Variants in R3HDM1 observed in about 807,000 individuals in gnomAD.
R3HDM1 encodes the protein R3H domain containing 1.
Under a neutral mutation model 141.1 loss-of-function variants are expected in R3HDM1, and 46 were observed. That is an observed-to-expected ratio of 0.33 (90% confidence interval 0.26 to 0.42). The LOEUF is 0.42. R3HDM1 is among the 10% of genes least tolerant of loss of function. The probability of loss-of-function intolerance (pLI) is 1.00; values close to 1 mark genes in which losing one functional copy is unlikely to be tolerated. For synonymous variants in R3HDM1, 435 were observed against 472.9 expected (o/e 0.92, Z 1.04); for missense variants, 1,184 against 1,368.3 (o/e 0.87, Z 2.12).
In R3HDM1 at chr2:135,636,100, T is replaced by C. The variant is rs781543532; in HGVS notation, c.820T>C (p.Leu274=). ...CTCTTTTCTGTAGATGAGAATACGT[T>C]TGAAAGATGACAGAAGAAGCAAATC... is the stretch of plus-strand genomic sequence containing the variant. ...DKDDNQMRIR[L]KDDRRSKSIE... Residue 274 remains leucine, a synonymous_variant, in exon 11 of 27, where the codon TTG becomes CTG. Coordinates refer to ENST00000683871, the MANE Select transcript of R3HDM1 (RefSeq NM_001378107.1). 4.6e-5 allele frequency: 74 copies of C among 1,612,830 alleles called. No homozygotes were observed. Among genetic ancestry groups the C allele is most frequent in the Admixed American group, 1.5e-4 (9 of 59,886 alleles).
At chr2:135,681,141 A>G (rs964784132) in intron 21 of R3HDM1, among the ~76,000 whole-genome samples, 16 of 152,174 alleles carry the variant, frequency 1.1e-4, no homozygotes, top group African/African-American at 2.9e-4. Flanking sequence ...TGTGTTGAAA[A>G]TACTAATCTT....
At chr2:135,580,096 A>G (rs911680281) in intron 1 of R3HDM1, among the ~76,000 whole-genome samples, 2 of 152,066 alleles carry the variant, frequency 1.3e-5, no homozygotes, top group African/African-American at 4.8e-5. Flanking sequence ...CTGTCTCTAC[A>G]AAAACTAGCC....
intron 20 of R3HDM1, among the ~76,000 whole-genome samples, chr2:135,675,700 G>T (rs2069074122): frequency 1.3e-5 from 2 of 152,162 alleles, no homozygotes; most frequent in South Asian, 4.1e-4. Context: ...TCATTTTATT[G>T]CATTATTCAT....
chr2:135,571,569 G>A (rs1042144121), intron 1 of R3HDM1, among the ~76,000 whole-genome samples: 14 of 151,108 alleles, frequency 9.3e-5, no homozygotes, highest in South Asian at 2.1e-4. Flanking sequence ...CAGGCAGTTC[G>A]CCCGCCTCAG....
intron 1 of R3HDM1, among the ~76,000 whole-genome samples, chr2:135,549,223 T>C (rs1699329723): frequency 6.6e-6 from 1 of 152,116 alleles, no homozygotes; most frequent in African/African-American, 2.4e-5. Flanking sequence ...AGAACACATA[T>C]TGTATGGTTT....
chr2:135,611,121 TAA>T (rs879886168), intron 3 of R3HDM1, among the ~76,000 whole-genome samples: 1 of 132,066 alleles, frequency 7.6e-6, no homozygotes, highest in Non-Finnish European at 1.7e-5. Flanking sequence ...AAATAAAATT[TAA>T]AAAAAAAAAA....
At chr2:135,710,019 A>G (rs2075434995) in intron 22 of R3HDM1, 40 bp from the exon 23 acceptor site, 10 of 1,573,062 alleles carry the variant, frequency 6.4e-6, no homozygotes, top group Admixed American at 1.8e-5. Flanking sequence ...ACTAGTTGCT[A>G]AAATATTCTG....
chr2:135,701,580 G>A (rs1200376397), intron 21 of R3HDM1, among the ~76,000 whole-genome samples: 1 of 152,096 alleles, frequency 6.6e-6, no homozygotes, highest in Admixed American at 6.6e-5. Context: ...TCAGGAGGAG[G>A]ATCATTTGAT....
intron 21 of R3HDM1, among the ~76,000 whole-genome samples, chr2:135,681,488 CT>C (rs2070296802): frequency 6.6e-6 from 1 of 152,110 alleles, no homozygotes; most frequent in Non-Finnish European, 1.5e-5. Flanking sequence ...TAGTCATCTG[CT>C]TTAAAGTATT....
chr2:135,690,621 G>T (rs1019593439), intron 21 of R3HDM1, among the ~76,000 whole-genome samples: 2 of 152,088 alleles, frequency 1.3e-5, no homozygotes, highest in African/African-American at 4.8e-5. Flanking sequence ...TACTGTTGAA[G>T]GAATAAAATG....
chr2:135,549,785 A>G (rs1699503563), intron 1 of R3HDM1, among the ~76,000 whole-genome samples: 1 of 152,172 alleles, frequency 6.6e-6, no homozygotes, highest in Non-Finnish European at 1.5e-5. Flanking sequence ...TTTACGGGGT[A>G]ATGAAAAAGT....
At chr2:135,668,538 A>T (rs1488244116) in intron 19 of R3HDM1, among the ~76,000 whole-genome samples, 1 of 152,170 alleles carries the variant, frequency 6.6e-6, no homozygotes, top group Non-Finnish European at 1.5e-5. Flanking sequence ...TGACAATTTT[A>T]GTTGTGTTAG....
chr2:135,631,679 C>G (rs774869828), intron 7 of R3HDM1, 39 bp from the exon 8 acceptor site: 11 of 1,483,104 alleles, frequency 7.4e-6, no homozygotes, highest in Non-Finnish European at 8.1e-6. Flanking sequence ...TACTTCATTG[C>G]TAAGTTTTAC....
At chr2:135,629,010 A>C (rs2062347460) in intron 7 of R3HDM1, among the ~76,000 whole-genome samples, 1 of 151,996 alleles carries the variant, frequency 6.6e-6, no homozygotes. Flanking sequence ...ATACTGTCTC[A>C]CAATAACCCC....
chr2:135,593,731 A>AT (rs1015557899), intron 1 of R3HDM1, among the ~76,000 whole-genome samples: 4 of 150,456 alleles, frequency 2.7e-5, no homozygotes, highest in South Asian at 4.2e-4. Context: ...TATTTTATTT[A>AT]TTTTTTTGAG....
intron 1 of R3HDM1, among the ~76,000 whole-genome samples, chr2:135,573,482 G>A (rs1403486754): frequency 1.3e-5 from 2 of 151,428 alleles, no homozygotes; most frequent in Admixed American, 6.6e-5. Context: ...GAATCTTAAC[G>A]TTATCTAAAT....
At chr2:135,631,132 C>T (rs915438870) in intron 7 of R3HDM1, among the ~76,000 whole-genome samples, 2 of 152,060 alleles carry the variant, frequency 1.3e-5, no homozygotes, top group African/African-American at 4.8e-5. Context: ...CTGCCATAGT[C>T]CCATCTACAT....
In R3HDM1 at chr2:135,584,308, A is replaced by T. The variant is rs1707409969; in HGVS notation, c.-249-18192A>T. ...GTGCCACTGCTCTCCAGCCTGGGTG[A>T]CAGAACGAGATTCCGTCTAAAATAA... On this transcript the variant is annotated intron_variant, in intron 1 of 26. Transcript: ENST00000683871. 6.1e-6 allele frequency: 5 copies of T among 813,112 alleles called. No individual in the cohort carries two copies. In the South Asian group the frequency reaches 2.3e-4, roughly 37 times the overall value. The allele number at this position is 813,112 out of a possible 1,614,324, so 50.4% of individuals were successfully genotyped here.
Position 135,649,951 on chromosome 2 carries a change from C to T in R3HDM1, c.1673C>T (p.Ala558Val), listed in dbSNP as rs1474802582. 1.5e-6 allele frequency: 2 copies of T among 1,296,634 alleles called. No homozygotes were observed. Among genetic ancestry groups the T allele is most frequent in the Non-Finnish European group, 2.0e-6 (2 of 985,280 alleles). 80.3% of individuals were successfully genotyped at this position (1,296,634 alleles called of 1,614,324 possible). A position where few individuals can be genotyped will look rare whatever the true frequency, so the allele number is the denominator to read the frequency against. ...TCACAGCCTGTTCAGTACTCTACAG[C>T]CCCTTACCCATCCCCGTTCCTGCCA... ...SSSQPVQYST[A>V]PYPSPFLPVS... Residue 558 changes from alanine to valine, a missense_variant, in exon 17 of 27, where the codon GCC (alanine) becomes GTC (valine). This residue lies in a region of R3HDM1 where 563 missense variants were observed against 562.0 expected (regional missense o/e 1.00). Transcript: ENST00000683871.
Sources: gnomAD v4.1 joint callset for allele counts (sites outside exome capture counted in the v4.1 genomes callset) on GRCh38, gnomAD v4.1.1 for gene constraint, gnomAD v4.1.1 regional missense constraint, MANE v1.5 for transcripts, NCBI Gene and HGNC (gene_info 2026-07-23, HGNC 2026-07-21) for gene names.